The following NEGR1 variants were observed in gnomAD, a reference collection of about 807,000 sequenced individuals.
The protein encoded by NEGR1 is IgLON family member 4.
A neutral mutation model predicts 40.9 loss-of-function variants in NEGR1; 10 were observed. That is an observed-to-expected ratio of 0.24 (90% CI 0.15 to 0.42). The LOEUF is 0.42. Among genes scored for constraint, NEGR1 ranks in the 10% least tolerant of loss-of-function variants. NEGR1 has a pLI of 1.00. For missense variants in NEGR1, 352 were observed against 438.9 expected, an observed-to-expected ratio of 0.80 and a Z score of 1.77; for synonymous variants, 185 against 166.8, an observed-to-expected ratio of 1.11 and a Z score of -0.84.
At chr1:71,874,683 T>A (rs1339050678) in intron 2 of NEGR1, among the ~76,000 whole-genome samples, 2 of 152,140 alleles carry the variant, frequency 1.3e-5, no homozygotes, top group Non-Finnish European at 2.9e-5. Flanking sequence ...GGCCTGATTC[T>A]TAGATGTGTT....
chr1:72,204,481 C>T (rs1277683371), intron 1 of NEGR1, among the ~76,000 whole-genome samples: 2 of 152,116 alleles, frequency 1.3e-5, no homozygotes, highest in African/African-American at 2.4e-5. Flanking sequence ...TTCTGTGTTT[C>T]TCAGTTCCCC....
intron 2 of NEGR1, among the ~76,000 whole-genome samples, chr1:71,804,202 T>C (rs1657669577): frequency 6.6e-6 from 1 of 152,200 alleles, no homozygotes; most frequent in African/African-American, 2.4e-5. Context: ...ATGACAGTTA[T>C]CTTAGGCTGT....
rs1473962088 is a variant in NEGR1 at position 72,071,708 on chromosome 1, T to G, written c.177-136397A>C. On this transcript the variant is annotated intron_variant, in intron 1 of 6. Transcript: ENST00000357731. ...TGTTTGATAAGTCTCCTATTTCTTT[T>G]GAGTCTACCACTGAAATATCTTTCA... Among the ~76,000 whole-genome samples the G allele has an allele frequency of 2.6e-5, 4 of 152,126 alleles. No individual in the cohort carries two copies. The East Asian group carries it at 7.7e-4, about 29-fold the overall frequency.
At position 72,055,629 on chromosome 1, in the gene NEGR1, T is replaced by C. The variant is rs369233184; in HGVS notation, c.177-120318A>G. ...AAAATTTTATTTGGAAAACGAGTGC[T>C]ATCCTATTCACAAATACATTAAATG... On this transcript the variant is annotated intron_variant, in intron 1 of 6. Coordinates refer to ENST00000357731, the MANE Select transcript of NEGR1 (RefSeq NM_173808.3). 1.2e-4 allele frequency among the ~76,000 whole-genome samples: 18 copies of C among 151,020 alleles called. No homozygotes were observed. The South Asian group carries it at 3.5e-3, about 30-fold the overall frequency.
chr1:71,765,875 T>C (rs1314447206), intron 3 of NEGR1, among the ~76,000 whole-genome samples: 1 of 152,094 alleles, frequency 6.6e-6, no homozygotes, highest in Non-Finnish European at 1.5e-5. Context: ...AAGTGATTGA[T>C]TTAAGAAATA....
chr1:71,924,527 G>C (rs971616851), intron 2 of NEGR1, among the ~76,000 whole-genome samples: 1 of 151,982 alleles, frequency 6.6e-6, no homozygotes, highest in African/African-American at 2.4e-5. Context: ...TTTAAAAAAG[G>C]GTCCATCCAC....
At chr1:71,600,264 G>A (rs1370628031) in intron 5 of NEGR1, among the ~76,000 whole-genome samples, 1 of 152,184 alleles carries the variant, frequency 6.6e-6, no homozygotes, top group Non-Finnish European at 1.5e-5. Flanking sequence ...TATCATTCAT[G>A]CCAAATACCA....
chr1:71,994,964 C>T (rs1343093934), intron 1 of NEGR1, among the ~76,000 whole-genome samples: 1 of 118,558 alleles, frequency 8.4e-6, no homozygotes, highest in East Asian at 2.5e-4. Context: ...GCAATATAAG[C>T]ATTAGGGAGA....
At chr1:71,529,532 G>A (rs929407157) in intron 6 of NEGR1, among the ~76,000 whole-genome samples, 4 of 151,184 alleles carry the variant, frequency 2.6e-5, no homozygotes, top group Non-Finnish European at 5.9e-5. Flanking sequence ...ATACCCTTAA[G>A]CTCCTTTCCA....
At chr1:72,180,536 T>C (rs1347768836) in intron 1 of NEGR1, among the ~76,000 whole-genome samples, 3 of 152,002 alleles carry the variant, frequency 2.0e-5, no homozygotes, top group Admixed American at 6.6e-5. Flanking sequence ...GAGGTATGGA[T>C]TGGGAAAAGC....
chr1:71,650,395 C>T (rs914142469), intron 4 of NEGR1, among the ~76,000 whole-genome samples: 1 of 152,100 alleles, frequency 6.6e-6, no homozygotes, highest in Admixed American at 6.5e-5. Context: ...CTAATTAGAT[C>T]CAGCTGTTCC....
intron 1 of NEGR1, among the ~76,000 whole-genome samples, chr1:72,155,455 A>G (rs771604510): frequency 6.6e-6 from 1 of 152,006 alleles, no homozygotes; most frequent in Non-Finnish European, 1.5e-5. Flanking sequence ...GGCAAGGATG[A>G]TATCTCTTTA....
intron 1 of NEGR1, among the ~76,000 whole-genome samples, chr1:72,280,103 G>A (rs941026718): frequency 7.9e-5 from 12 of 152,078 alleles, no homozygotes; most frequent in Non-Finnish European, 1.5e-4. Context: ...CACAAAATGC[G>A]GGATATAGCA....
At chr1:71,856,120 C>T (rs182025011) in intron 2 of NEGR1, among the ~76,000 whole-genome samples, 1 of 152,020 alleles carries the variant, frequency 6.6e-6, no homozygotes, top group East Asian at 1.9e-4. Flanking sequence ...GGTCTATGTT[C>T]AAAATATGGA....
chr1:71,698,305 G>T (rs1037718574), intron 3 of NEGR1, among the ~76,000 whole-genome samples, 166 bp from the exon 4 acceptor site: 5 of 151,938 alleles, frequency 3.3e-5, no homozygotes, highest in Non-Finnish European at 7.4e-5. Context: ...AAAACTCAGA[G>T]AAAAAGCAGA....
intron 3 of NEGR1, among the ~76,000 whole-genome samples, chr1:71,737,065 T>C (rs1239789743): frequency 6.6e-6 from 1 of 152,130 alleles, no homozygotes; most frequent in African/African-American, 2.4e-5. Flanking sequence ...TTCATGCATG[T>C]TTTAAGCAAA....
chr1:72,127,179 C>T (rs1211749703), intron 1 of NEGR1, among the ~76,000 whole-genome samples: 1 of 152,098 alleles, frequency 6.6e-6, no homozygotes, highest in African/African-American at 2.4e-5. Flanking sequence ...TGCGGCCAGG[C>T]GCGGTGGCTC....
Position 71,951,421 on chromosome 1 carries a change from G to A in NEGR1, c.177-16110C>T, listed in dbSNP as rs547630090. On this transcript the variant is annotated intron_variant, in intron 1 of 6. Coordinates refer to ENST00000357731, the MANE Select transcript of NEGR1 (RefSeq NM_173808.3). Reference sequence around the variant, plus strand: ...CTCGAGTTTTGTATTTACACAGACAGAACAAAGTGAAACTGAGATATAGCT... The same window carrying A: ...CTCGAGTTTTGTATTTACACAGACAAAACAAAGTGAAACTGAGATATAGCT... Among the ~76,000 whole-genome samples, 3 of 151,928 alleles carry A rather than the reference G, an allele frequency of 2.0e-5. No homozygotes were observed. In the South Asian group the frequency reaches 6.2e-4, roughly 31 times the overall value.
chr1:71,635,690 G>A (rs1382064394), intron 4 of NEGR1, among the ~76,000 whole-genome samples: 1 of 152,094 alleles, frequency 6.6e-6, no homozygotes, highest in East Asian at 1.9e-4. Flanking sequence ...AACATGTGGA[G>A]TTTGATAAGC....
Sources: gnomAD v4.1 joint callset for allele counts (sites outside exome capture counted in the v4.1 genomes callset) on GRCh38, gnomAD v4.1.1 for gene constraint, MANE v1.5 for transcripts, NCBI Gene and HGNC (gene_info 2026-07-23, HGNC 2026-07-21) for gene names.